The following ARLN variants were observed in gnomAD, a reference collection of about 807,000 sequenced individuals.
ARLN encodes the protein sarcoplasmic/endoplasmic reticulum calcium ATPase regulator ARLN.
the ARLN span, chr4:119,304,098 G>T: frequency 1.6e-6 from 1 of 613,090 alleles, no homozygotes; most frequent in Non-Finnish European, 2.8e-6. Flanking sequence ...CTGGGCTTTG[G>T]TGCATGTTTT....
At chr4:119,301,836 A>G in the ARLN span, among the ~76,000 whole-genome samples, 3 of 152,352 alleles carry the variant, frequency 2.0e-5, no homozygotes, top group South Asian at 2.1e-4. Flanking sequence ...AAGCTGTTCC[A>G]TAGCTTCCTA....
At chr4:119,304,350 G>A in the ARLN span, 17 of 1,536,752 alleles carry the variant, frequency 1.1e-5, no homozygotes, top group African/African-American at 2.7e-5. Context: ...TGAAGTATTT[G>A]TTTCCATAGT....
At chr4:119,303,934 T>A in the ARLN span, among the ~76,000 whole-genome samples, 2 of 152,228 alleles carry the variant, frequency 1.3e-5, no homozygotes, top group East Asian at 3.9e-4. Flanking sequence ...GCAGCTTCTC[T>A]TTTATCTTCA....
At chr4:119,296,972 A>G in the ARLN span, 1 of 152,238 alleles carries the variant, frequency 6.6e-6, no homozygotes, top group Non-Finnish European at 1.5e-5. Flanking sequence ...TGTGTGACCT[A>G]ACAGTAAACT....
the ARLN span, chr4:119,304,413 C>T: frequency 1.3e-6 from 2 of 1,536,344 alleles, no homozygotes; most frequent in South Asian, 1.2e-5. Context: ...GTAATGGTCT[C>T]CTATTAATGG....
the ARLN span, chr4:119,298,468 C>G: frequency 3.9e-6 from 1 of 253,220 alleles, no homozygotes; most frequent in Non-Finnish European, 7.5e-6. Flanking sequence ...TACTATATTT[C>G]TTAATGAATA....
At chr4:119,302,093 A>T in the ARLN span, among the ~76,000 whole-genome samples, 2 of 152,254 alleles carry the variant, frequency 1.3e-5, no homozygotes, top group African/African-American at 4.8e-5. Context: ...CAGAGATGGA[A>T]GCATTCTTCT....
At chr4:119,304,409 G>C in the ARLN span, 3 of 1,536,524 alleles carry the variant, frequency 2.0e-6, no homozygotes, top group Non-Finnish European at 1.7e-6. Context: ...TTCTGTAATG[G>C]TCTCCTATTA....
the ARLN span, chr4:119,296,589 G>GA: frequency 6.6e-6 from 1 of 152,202 alleles, no homozygotes; most frequent in African/African-American, 2.4e-5. Flanking sequence ...GAAAGCCAGA[G>GA]AATCAGGAGA....
chr4:119,301,177 G>A, the ARLN span, among the ~76,000 whole-genome samples: 1 of 151,016 alleles, frequency 6.6e-6, no homozygotes, highest in Non-Finnish European at 1.5e-5. Context: ...GCCGAGGCGG[G>A]CGGATCACCT....
At chr4:119,301,192 T>C in the ARLN span, among the ~76,000 whole-genome samples, 1 of 133,912 alleles carries the variant, frequency 7.5e-6, no homozygotes, top group African/African-American at 2.9e-5. Context: ...TCACCTGAGG[T>C]AAGGAGTTCG....
chr4:119,298,696 T>C, the ARLN span: 1 of 741,964 alleles, frequency 1.3e-6, no homozygotes, highest in East Asian at 2.5e-5. Context: ...TTGAGAGTCC[T>C]GTCTTCTTTA....
the ARLN span, among the ~76,000 whole-genome samples, chr4:119,299,114 GT>G: frequency 2.0e-5 from 3 of 151,990 alleles, no homozygotes; most frequent in Admixed American, 2.0e-4. Flanking sequence ...TTGAGACAGG[GT>G]TTGCTTTGTC....
At chr4:119,302,696 T>C in the ARLN span, among the ~76,000 whole-genome samples, 1 of 152,240 alleles carries the variant, frequency 6.6e-6, no homozygotes, top group African/African-American at 2.4e-5. Context: ...GGACTACAGA[T>C]TGAATCATTG....
chr4:119,303,292 G>A, the ARLN span, among the ~76,000 whole-genome samples: 1 of 143,854 alleles, frequency 7.0e-6, no homozygotes, highest in Non-Finnish European at 1.5e-5. Context: ...GGAGTGCAAT[G>A]GTGCGATCTT....
At chr4:119,299,551 T>C in the ARLN span, among the ~76,000 whole-genome samples, 2 of 152,122 alleles carry the variant, frequency 1.3e-5, no homozygotes, top group Non-Finnish European at 2.9e-5. Context: ...ACCATCTCCA[T>C]TTGGTGTCTG....
At chr4:119,303,305 C>T in the ARLN span, among the ~76,000 whole-genome samples, 1 of 148,770 alleles carries the variant, frequency 6.7e-6, no homozygotes, top group Non-Finnish European at 1.5e-5. Context: ...GCGATCTTGG[C>T]TCACTGCAAC....
the ARLN span, chr4:119,300,927 C>T: frequency 1.1e-6 from 1 of 925,848 alleles, no homozygotes; most frequent in Non-Finnish European, 1.6e-6. Flanking sequence ...CTCCTATCCC[C>T]GTATTCCGTT....
At chr4:119,304,243 A>G in the ARLN span, 2 of 1,528,594 alleles carry the variant, frequency 1.3e-6, no homozygotes, top group Non-Finnish European at 1.8e-6. Context: ...TTTCTAACAT[A>G]CCAATTGTGA....
Sources: allele counts gnomAD v4.1 joint callset (sites outside exome capture counted in the v4.1 genomes callset), GRCh38; gene constraint gnomAD v4.1.1; transcripts MANE v1.5; gene names NCBI Gene and HGNC (gene_info 2026-07-23, HGNC 2026-07-21).